ARHGAP29: variants seen among roughly 807,000 people sequenced by gnomAD.
ARHGAP29 encodes Rho GTPase activating protein 29.
ARHGAP29 carries 43 observed loss-of-function variants against 122.6 expected under a neutral mutation model. That is an observed-to-expected ratio of 0.35 (90% CI 0.27 to 0.45). ARHGAP29 has a LOEUF of 0.45. Ranked by LOEUF, ARHGAP29 falls within the 20% of genes least tolerant of loss-of-function variation. The pLI, the probability that ARHGAP29 is intolerant of heterozygous loss-of-function variation, is 1.00. For missense variants in ARHGAP29, 1,303 were observed against 1,477.2 expected, an observed-to-expected ratio of 0.88 and a Z score of 1.93; for synonymous variants, 506 against 497.1, an observed-to-expected ratio of 1.02 and a Z score of -0.24.
At chr1:94,231,676 C>T (rs920777876) in intron 1 of ARHGAP29, 33 bp from the exon 2 acceptor site, 13 of 1,494,192 alleles carry the variant, frequency 8.7e-6, no homozygotes, top group African/African-American at 5.7e-5. Flanking sequence ...CAAAAACAAG[C>T]GAGGAGAGAG....
At chr1:94,273,773 T>C (rs1174960547) in intron 1 of ARHGAP29, among the ~76,000 whole-genome samples, 1 of 151,074 alleles carries the variant, frequency 6.6e-6, no homozygotes, top group East Asian at 2.0e-4. Flanking sequence ...TCTAAGAAAC[T>C]GACTAGTTTA....
intron 3 of ARHGAP29, among the ~76,000 whole-genome samples, chr1:94,214,750 C>A (rs1651852223): frequency 6.6e-6 from 1 of 152,116 alleles, no homozygotes; most frequent in Non-Finnish European, 1.5e-5. Context: ...AATCCCAATA[C>A]CAAGTCCTAA....
intron 1 of ARHGAP29, among the ~76,000 whole-genome samples, chr1:94,246,706 C>T (rs900627606): frequency 1.8e-4 from 27 of 152,146 alleles, no homozygotes; most frequent in African/African-American, 6.5e-4. Flanking sequence ...TCTGTTTAAA[C>T]CAAGGCAAGA....
chr1:94,277,686 A>T (rs1655237119), upstream of ARHGAP29, among the ~76,000 whole-genome samples: 1 of 152,122 alleles, frequency 6.6e-6, no homozygotes, highest in Admixed American at 6.6e-5. Flanking sequence ...TTAATATTTT[A>T]ATTTTCCTCT....
intron 1 of ARHGAP29, among the ~76,000 whole-genome samples, chr1:94,250,893 A>T (rs978679857): frequency 6.6e-6 from 1 of 152,132 alleles, no homozygotes; most frequent in Non-Finnish European, 1.5e-5. Context: ...ACATACCATA[A>T]CCCTACCTGA....
At chr1:94,294,432 G>A in the ARHGAP29 span, among the ~76,000 whole-genome samples, 6 of 152,008 alleles carry the variant, frequency 3.9e-5, no homozygotes, top group Non-Finnish European at 8.8e-5. Flanking sequence ...ACAGGCACAC[G>A]CCATAGCACC....
At chr1:94,249,675 C>T (rs180850988) in intron 1 of ARHGAP29, among the ~76,000 whole-genome samples, 1 of 151,888 alleles carries the variant, frequency 6.6e-6, no homozygotes, top group Non-Finnish European at 1.5e-5. Context: ...CGCTTGAACC[C>T]AGGAGGCAGA....
chr1:94,227,476 A>G (rs1652675269), intron 2 of ARHGAP29, among the ~76,000 whole-genome samples: 1 of 151,844 alleles, frequency 6.6e-6, no homozygotes, highest in Non-Finnish European at 1.5e-5. Flanking sequence ...AAGTAGTACT[A>G]TATAATAAAA....
At chr1:94,256,538 T>C (rs909130509) in intron 1 of ARHGAP29, among the ~76,000 whole-genome samples, 3 of 16,328 alleles carry the variant, frequency 1.8e-4, no homozygotes, top group Non-Finnish European at 3.8e-4. Flanking sequence ...GTACTAATCT[T>C]TTTTTTTTTT....
upstream of ARHGAP29, among the ~76,000 whole-genome samples, chr1:94,275,959 A>G (rs916641675): frequency 1.2e-5 from 1 of 84,918 alleles, no homozygotes; most frequent in Non-Finnish European, 2.4e-5. Flanking sequence ...TTCAACCTTA[A>G]AAAAAAAAAG....
intron 3 of ARHGAP29, among the ~76,000 whole-genome samples, chr1:94,214,898 A>C (rs1183359988): frequency 6.6e-6 from 1 of 152,174 alleles, no homozygotes; most frequent in African/African-American, 2.4e-5. Context: ...TATTCTATAC[A>C]CACATAATCA....
At chr1:94,177,771 A>T in intron 21 of ARHGAP29, 51 bp from the exon 22 acceptor site, 2 of 1,570,264 alleles carry the variant, frequency 1.3e-6, no homozygotes, top group Non-Finnish European at 1.7e-6. Flanking sequence ...CATAACCTCA[A>T]AATAAACAGT....
At chr1:94,221,610 T>C (rs1262610110) in intron 2 of ARHGAP29, among the ~76,000 whole-genome samples, 2 of 150,716 alleles carry the variant, frequency 1.3e-5, no homozygotes, top group Admixed American at 1.3e-4. Flanking sequence ...TATTTGTGTA[T>C]ATACTTAAAT....
intron 18 of ARHGAP29, among the ~76,000 whole-genome samples, 157 bp downstream of exon 18, chr1:94,184,715 C>T (rs1397127271): frequency 6.6e-6 from 1 of 151,978 alleles, no homozygotes; most frequent in East Asian, 1.9e-4. Flanking sequence ...GATCATGCCA[C>T]TGTACTCCAG....
At chr1:94,309,192 T>A in the ARHGAP29 span, among the ~76,000 whole-genome samples, 1 of 152,246 alleles carries the variant, frequency 6.6e-6, no homozygotes, top group African/African-American at 2.4e-5. Context: ...CAAGCATCCC[T>A]ATTTCATAGT....
chr1:94,273,513 C>T (rs896972717), intron 1 of ARHGAP29, among the ~76,000 whole-genome samples: 2 of 152,182 alleles, frequency 1.3e-5, no homozygotes. Context: ...CACTACTCCA[C>T]CCTCTGCATT....
Position 94,173,735 on chromosome 1 carries a change from C to A in ARHGAP29, c.*134G>T. ...CAGTATTACCAACAGAGGATAAATACAACAACAAAAGGCAAAACCCATGAT... is the reference window on the plus strand; with the variant it reads ...CAGTATTACCAACAGAGGATAAATAAAACAACAAAAGGCAAAACCCATGAT... On this transcript the variant is annotated 3_prime_UTR_variant, in exon 23 of 23. Transcript: ENST00000260526. The A allele has an allele frequency of 9.0e-7, 1 of 1,117,014 alleles. No individual in the cohort carries two copies. The highest frequency in any genetic ancestry group is 1.3e-6 in the Non-Finnish European group (1 of 789,340). The allele number at this position is 1,117,014 out of a possible 1,614,324, so 69.2% of individuals were successfully genotyped here. A position where few individuals can be genotyped will look rare whatever the true frequency, so the allele number is the denominator to read the frequency against.
At chr1:94,210,332 A>G (rs1351538992) in intron 3 of ARHGAP29, among the ~76,000 whole-genome samples, 1 of 152,226 alleles carries the variant, frequency 6.6e-6, no homozygotes, top group East Asian at 1.9e-4. Flanking sequence ...AGTTTTATTA[A>G]TAAAAACAAA....
chr1:94,295,053 C>T, the ARHGAP29 span, among the ~76,000 whole-genome samples: 1 of 152,280 alleles, frequency 6.6e-6, no homozygotes, highest in African/African-American at 2.4e-5. Context: ...ATGTAGACCC[C>T]TCCTTTCGGT....
Sources: allele counts gnomAD v4.1 joint callset (sites outside exome capture counted in the v4.1 genomes callset), GRCh38; gene constraint gnomAD v4.1.1; transcripts MANE v1.5; gene names NCBI Gene and HGNC (gene_info 2026-07-23, HGNC 2026-07-21).